SNX10: variants seen among roughly 807,000 people sequenced by gnomAD.
SNX10 encodes the protein sorting nexin 10.
A neutral mutation model predicts 28.5 loss-of-function variants in SNX10; 25 were observed. That is an observed-to-expected ratio of 0.88 (90% CI 0.64 to 1.22). The LOEUF is 1.22. SNX10 is among the 50% of genes most tolerant of loss of function. SNX10 has a pLI of 0.00. For missense variants in SNX10, 223 were observed against 242.6 expected, an observed-to-expected ratio of 0.92 and a Z score of 0.54; for synonymous variants, 62 against 81.4, an observed-to-expected ratio of 0.76 and a Z score of 1.28.
chr7:26,323,653 A>G (rs1338645820), intron 1 of SNX10, among the ~76,000 whole-genome samples: 2 of 152,192 alleles, frequency 1.3e-5, no homozygotes, highest in Non-Finnish European at 2.9e-5. Flanking sequence ...GGCTTTACGT[A>G]GAAAAGGGGT....
chr7:26,338,199 C>T (rs1788014455), intron 1 of SNX10, among the ~76,000 whole-genome samples: 1 of 150,716 alleles, frequency 6.6e-6, no homozygotes, highest in Non-Finnish European at 1.5e-5. Flanking sequence ...TCACTGCAGC[C>T]TCTGCCTCCC....
intron 1 of SNX10, among the ~76,000 whole-genome samples, chr7:26,326,152 T>A (rs549784208): frequency 1.3e-5 from 2 of 152,248 alleles, no homozygotes; most frequent in South Asian, 4.1e-4. Flanking sequence ...GGTTATGCCA[T>A]TTCGTTAACG....
chr7:26,366,362 A>C (rs1486095958), intron 5 of SNX10, among the ~76,000 whole-genome samples: 3 of 152,228 alleles, frequency 2.0e-5, no homozygotes, highest in Non-Finnish European at 2.9e-5. Flanking sequence ...AGGCATACAG[A>C]AAGATCCAAG....
chr7:26,340,906 G>A (rs73285217), intron 1 of SNX10, among the ~76,000 whole-genome samples: 3,907 of 152,276 alleles, frequency 0.026, 148 homozygotes, highest in African/African-American at 0.089. Flanking sequence ...TAGGAATACA[G>A]GTGTGCACCA....
chr7:26,359,994 T>G (rs937312626), intron 2 of SNX10, among the ~76,000 whole-genome samples: 2 of 152,220 alleles, frequency 1.3e-5, no homozygotes, highest in African/African-American at 4.8e-5. Flanking sequence ...CTATTCTTAT[T>G]ATCTTTATAA....
chr7:26,342,494 G>A (rs1788222170), intron 1 of SNX10, among the ~76,000 whole-genome samples: 1 of 152,126 alleles, frequency 6.6e-6, no homozygotes, highest in Non-Finnish European at 1.5e-5. Flanking sequence ...CATAAAGGTA[G>A]CATCTCTTAA....
At chr7:26,370,063 A>G (rs552406034) in intron 5 of SNX10, among the ~76,000 whole-genome samples, 1 of 152,232 alleles carries the variant, frequency 6.6e-6, no homozygotes, top group Non-Finnish European at 1.5e-5. Flanking sequence ...ATTATTTTAT[A>G]AAGAAAATAA....
intron 1 of SNX10, among the ~76,000 whole-genome samples, chr7:26,320,310 TA>T (rs1316655985): frequency 6.6e-6 from 1 of 151,834 alleles, no homozygotes; most frequent in Non-Finnish European, 1.5e-5. Context: ...AAATAATATA[TA>T]AAAAAAAGTT....
intron 1 of SNX10, among the ~76,000 whole-genome samples, chr7:26,334,864 C>A (rs977789155): frequency 5.3e-5 from 8 of 152,250 alleles, no homozygotes; most frequent in Admixed American, 5.2e-4. Context: ...TTTTCTAGTT[C>A]TAATCTGGGA....
At chr7:26,293,437 C>T (rs560937126) in intron 1 of SNX10, among the ~76,000 whole-genome samples, 2 of 152,230 alleles carry the variant, frequency 1.3e-5, no homozygotes, top group African/African-American at 4.8e-5. Flanking sequence ...AAGTCCTGAG[C>T]TCAAGCAATC....
In SNX10 at chr7:26,308,222, A is replaced by G. The variant is rs114981429; in HGVS notation, c.-24+16136A>G. Among the ~76,000 whole-genome samples the G allele has an allele frequency of 3.7e-3, 560 of 152,196 alleles. 2 individuals carry two copies. The highest frequency in any genetic ancestry group is 0.013 in the African/African-American group (537 of 41,524). On this transcript the variant is annotated intron_variant, in intron 1 of 6. Transcript: ENST00000338523. ...CTGACTTTCTCCTGTTCTCCCTTCA[A>G]CCTGCTCCTTTTTCTCCCCAAGGCT...
At chr7:26,339,288 T>A (rs528080311) in intron 1 of SNX10, among the ~76,000 whole-genome samples, 111 of 152,174 alleles carry the variant, frequency 7.3e-4, no homozygotes, top group Non-Finnish European at 7.5e-4. Context: ...GGTTTCAGGA[T>A]TTCGCCATGC....
At chr7:26,344,630 C>T (rs1390457129) in intron 1 of SNX10, among the ~76,000 whole-genome samples, 1 of 152,176 alleles carries the variant, frequency 6.6e-6, no homozygotes, top group Non-Finnish European at 1.5e-5. Flanking sequence ...ATCAGTTCCA[C>T]ATTATAATTA....
Position 26,373,071 on chromosome 7 carries a change from A to G in SNX10, c.*499A>G, listed in dbSNP as rs1035150095. The G allele has an allele frequency of 2.6e-5, 4 of 152,426 alleles. No homozygotes were observed. The East Asian group carries it at 5.8e-4, about 22-fold the overall frequency. The allele number at this position is 152,426 out of a possible 1,614,324, so 9.4% of individuals were successfully genotyped here. On this transcript the variant is annotated 3_prime_UTR_variant, in exon 7 of 7. Coordinates refer to ENST00000338523, the MANE Select transcript of SNX10 (RefSeq NM_013322.3). The surrounding 1 kb of genome is among the most constrained non-coding windows in gnomAD (Gnocchi z 4.2). ...TGGATACCTCCCCTGCACTGGCAAA[A>G]CACTATGCTTTTGGGTGTTAGACTG...
chr7:26,301,019 C>CA (rs1170123330), intron 1 of SNX10, among the ~76,000 whole-genome samples: 569 of 9,908 alleles, frequency 0.057, 23 homozygotes, highest in African/African-American at 0.098. Context: ...ACTCTGTCTC[C>CA]AAAAAAAAAA....
At chr7:26,316,198 CA>C (rs1379688447) in intron 1 of SNX10, among the ~76,000 whole-genome samples, 1 of 142,416 alleles carries the variant, frequency 7.0e-6, no homozygotes. Flanking sequence ...AAAAAAAAAA[CA>C]AAAAACCTAG....
intron 1 of SNX10, among the ~76,000 whole-genome samples, chr7:26,299,976 C>T (rs987213218): frequency 2.0e-5 from 3 of 151,852 alleles, no homozygotes; most frequent in African/African-American, 4.8e-5. Context: ...TTTGGGAGGC[C>T]GAGGCGAGTG....
At chr7:26,363,923 A>G (rs952260476) in intron 3 of SNX10, among the ~76,000 whole-genome samples, 1 of 152,212 alleles carries the variant, frequency 6.6e-6, no homozygotes, top group African/African-American at 2.4e-5. Context: ...CAGGACTGGA[A>G]TTCCGGTCGG....
intron 1 of SNX10, among the ~76,000 whole-genome samples, chr7:26,304,491 GT>G (rs1206857080): frequency 2.0e-5 from 3 of 152,186 alleles, no homozygotes; most frequent in African/African-American, 7.2e-5. Flanking sequence ...CCTGCCATGT[GT>G]CCATAGAAAT....
Sources: gnomAD v4.1 joint callset for allele counts (sites outside exome capture counted in the v4.1 genomes callset) on GRCh38, gnomAD v4.1.1 for gene constraint, Gnocchi (gnomAD v3.1) non-coding constraint, MANE v1.5 for transcripts, NCBI Gene and HGNC (gene_info 2026-07-23, HGNC 2026-07-21) for gene names.